Variants in PDE6D observed in about 807,000 individuals in gnomAD.
The protein encoded by PDE6D is phosphodiesterase 6D.
PDE6D carries 10 observed loss-of-function variants against 21.9 expected under a neutral mutation model. The observed-to-expected ratio is 0.46, with a 90% CI of 0.28 to 0.78. PDE6D has a LOEUF of 0.78. Among genes scored for constraint, PDE6D ranks in the 30% least tolerant of loss-of-function variants. The probability of loss-of-function intolerance (pLI) is 0.12; values close to 1 mark genes in which losing one functional copy is unlikely to be tolerated. For synonymous variants in PDE6D, 59 were observed against 63.5 expected, an observed-to-expected ratio of 0.93 and a Z score of 0.34; for missense variants, 139 against 184.8, an observed-to-expected ratio of 0.75 and a Z score of 1.44.
intron 1 of PDE6D, among the ~76,000 whole-genome samples, chr2:231,756,133 C>T (rs1487737475): frequency 2.0e-5 from 3 of 151,968 alleles, no homozygotes. Flanking sequence ...TGTAAAGAGA[C>T]CATTAGCAAA....
At position 231,767,046 on chromosome 2, in the gene PDE6D, C is replaced by T. The variant is rs192452758; in HGVS notation, c.50+14019G>A. On this transcript the variant is annotated intron_variant, in intron 1 of 4. Transcript: ENST00000287600. The stretch of plus-strand genomic sequence containing the variant: ...TAAGTCAAAGATGATTCTGGTTTTT[C>T]AGTGTCATCTGGGGGTTTCTTCTGT... 5.4e-3 allele frequency among the ~76,000 whole-genome samples: 760 copies of T among 139,926 alleles called. 8 individuals are homozygous for T. Among genetic ancestry groups the T allele is most frequent in the African/African-American group, 0.019 (722 of 38,724 alleles). 91.8% of individuals were successfully genotyped at this position (139,926 alleles called of 152,430 possible).
intron 1 of PDE6D, among the ~76,000 whole-genome samples, chr2:231,749,333 C>T (rs540984292): frequency 1.3e-5 from 2 of 152,276 alleles, no homozygotes; most frequent in Admixed American, 1.3e-4. Context: ...TTTGGACTTG[C>T]ATGGGCCCTG....
rs369893572 is a variant in PDE6D at position 231,764,766 on chromosome 2, G to A, written c.50+16299C>T. 3.7e-4 allele frequency among the ~76,000 whole-genome samples: 56 copies of A among 152,270 alleles called. No homozygotes were observed. In the Middle Eastern group the frequency reaches 0.017, roughly 46 times the overall value. On this transcript the variant is annotated intron_variant, in intron 1 of 4. Transcript: ENST00000287600. ...TTATACCTGTGTCACAGTACTTATCGGAGAGTACCATGAATATATTAGTTT... is the reference window on the plus strand; with the variant it reads ...TTATACCTGTGTCACAGTACTTATCAGAGAGTACCATGAATATATTAGTTT...
At chr2:231,749,193 T>G (rs2048818103) in intron 1 of PDE6D, among the ~76,000 whole-genome samples, 1 of 152,162 alleles carries the variant, frequency 6.6e-6, no homozygotes, top group African/African-American at 2.4e-5. Flanking sequence ...GGCTGTACCC[T>G]GCAAAGCCAC....
intron 1 of PDE6D, among the ~76,000 whole-genome samples, chr2:231,777,612 A>C (rs945429658): frequency 3.3e-5 from 5 of 152,258 alleles, no homozygotes; most frequent in Non-Finnish European, 4.4e-5. Context: ...ATCATATTAT[A>C]AAGCTATAAT....
At chr2:231,747,387 G>A (rs764401565) in intron 1 of PDE6D, among the ~76,000 whole-genome samples, 41 of 152,206 alleles carry the variant, frequency 2.7e-4, no homozygotes, top group Admixed American at 2.3e-3. Context: ...CACCACACCC[G>A]ACCTATGATA....
chr2:231,778,251 C>A (rs1426378874), intron 1 of PDE6D, among the ~76,000 whole-genome samples: 1 of 152,044 alleles, frequency 6.6e-6, no homozygotes, highest in Non-Finnish European at 1.5e-5. Context: ...GGGCAACAGA[C>A]CAAGACTCCG....
intron 1 of PDE6D, among the ~76,000 whole-genome samples, chr2:231,758,689 C>T (rs1024919494): frequency 1.3e-5 from 2 of 152,158 alleles, no homozygotes; most frequent in Admixed American, 1.3e-4. Context: ...AAAGTGTCTC[C>T]TAATCCCTGA....
intron 1 of PDE6D, among the ~76,000 whole-genome samples, chr2:231,769,283 C>T (rs895165012): frequency 8.5e-5 from 13 of 152,200 alleles, no homozygotes; most frequent in South Asian, 8.3e-4. Context: ...CAGAACGCAG[C>T]TTTTCTGGTT....
chr2:231,743,670 C>T (rs1408084354), intron 1 of PDE6D, among the ~76,000 whole-genome samples: 5 of 152,062 alleles, frequency 3.3e-5, no homozygotes, highest in Admixed American at 2.6e-4. Context: ...CGTTCCTCTC[C>T]ACCCGTGTGA....
At position 231,777,730 on chromosome 2, in the gene PDE6D, T is replaced by C. The variant is rs542400088; in HGVS notation, c.50+3335A>G. Among the ~76,000 whole-genome samples, 4 of 152,188 alleles carry C rather than the reference T, an allele frequency of 2.6e-5. No homozygotes were observed. The South Asian group carries it at 6.2e-4, about 24-fold the overall frequency. ...ATGAAAATTTAGTATATGACAAGGA[T>C]GGCATTTCAAAACAGTGAGGAAAAG... On this transcript the variant is annotated intron_variant, in intron 1 of 4. Coordinates refer to ENST00000287600, the MANE Select transcript of PDE6D (RefSeq NM_002601.4).
intron 1 of PDE6D, among the ~76,000 whole-genome samples, chr2:231,772,940 T>C (rs1206610458): frequency 2.0e-5 from 3 of 152,168 alleles, no homozygotes; most frequent in Non-Finnish European, 4.4e-5. Context: ...AATGCCTGTT[T>C]AAGAATCCTA....
At chr2:231,734,101 C>G (rs1026222935) in intron 4 of PDE6D, among the ~76,000 whole-genome samples, 2 of 151,874 alleles carry the variant, frequency 1.3e-5, no homozygotes, top group African/African-American at 4.8e-5. Context: ...ATAGTCCCAG[C>G]TACTCGGGAG....
chr2:231,770,415 C>T (rs1395580598), intron 1 of PDE6D, among the ~76,000 whole-genome samples: 1 of 151,832 alleles, frequency 6.6e-6, no homozygotes, highest in Admixed American at 6.6e-5. Context: ...GGGCTAAACC[C>T]TGGCCCCTGT....
intron 4 of PDE6D, among the ~76,000 whole-genome samples, chr2:231,736,842 A>G (rs1218571001): frequency 5.3e-5 from 8 of 152,200 alleles, no homozygotes; most frequent in African/African-American, 1.9e-4. Context: ...ACACCTCTGT[A>G]AGACAGAATT....
intron 1 of PDE6D, among the ~76,000 whole-genome samples, chr2:231,760,101 T>C (rs997652422): frequency 6.6e-6 from 1 of 152,238 alleles, no homozygotes; most frequent in African/African-American, 2.4e-5. Flanking sequence ...GAGCAATTAT[T>C]TGAATCAGCT....
intron 1 of PDE6D, among the ~76,000 whole-genome samples, chr2:231,778,400 C>T (rs546735458): frequency 6.6e-6 from 1 of 152,164 alleles, no homozygotes; most frequent in African/African-American, 2.4e-5. Flanking sequence ...ATGTAAAGAA[C>T]ATCTACAAAT....
At chr2:231,755,920 C>A (rs1243582519) in intron 1 of PDE6D, among the ~76,000 whole-genome samples, 14 of 140,392 alleles carry the variant, frequency 1.0e-4, no homozygotes, top group Non-Finnish European at 1.4e-4. Flanking sequence ...AACTCCATCT[C>A]AAAAAAAAAA....
chr2:231,779,186 G>A (rs1232142850), intron 1 of PDE6D: 2 of 152,184 alleles, frequency 1.3e-5, no homozygotes, highest in Non-Finnish European at 2.9e-5. Context: ...TGTGCTTCAG[G>A]ATTTAATCAG....
Sources: gnomAD v4.1 joint callset for allele counts (sites outside exome capture counted in the v4.1 genomes callset) on GRCh38, gnomAD v4.1.1 for gene constraint, MANE v1.5 for transcripts, NCBI Gene and HGNC (gene_info 2026-07-23, HGNC 2026-07-21) for gene names.